Variants in TMEM132D observed in about 807,000 individuals in gnomAD.
TMEM132D encodes transmembrane protein 132D, also known as mature OL transmembrane protein.
In TMEM132D, 21 loss-of-function variants were observed where a neutral mutation model predicts 62.3. The observed-to-expected ratio is 0.34, with a 90% CI of 0.24 to 0.49. TMEM132D has a LOEUF of 0.49. Among genes scored for constraint, TMEM132D ranks in the 20% least tolerant of loss-of-function variants. The pLI, the probability that TMEM132D is intolerant of heterozygous loss-of-function variation, is 0.99. For missense variants in TMEM132D, 1,346 were observed against 1,402.8 expected (o/e 0.96, Z 0.65); for synonymous variants, 621 against 575.6 (o/e 1.08, Z -1.13).
chr12:129,559,772 T>A (rs1159412008), intron 2 of TMEM132D, among the ~76,000 whole-genome samples: 2 of 152,232 alleles, frequency 1.3e-5, no homozygotes, highest in Non-Finnish European at 2.9e-5. Context: ...ATATTAAGCC[T>A]GCCTTAATAT....
At chr12:129,871,929 C>T (rs1874257222) in intron 1 of TMEM132D, among the ~76,000 whole-genome samples, 1 of 152,170 alleles carries the variant, frequency 6.6e-6, no homozygotes, top group Non-Finnish European at 1.5e-5. Flanking sequence ...CCTACAGGAA[C>T]GGAAGAGGAA....
chr12:129,432,967 T>C (rs1473403579), intron 3 of TMEM132D, among the ~76,000 whole-genome samples: 1 of 152,192 alleles, frequency 6.6e-6, no homozygotes, highest in Non-Finnish European at 1.5e-5. Context: ...CCCTGACTTC[T>C]GGCAACATAG....
In TMEM132D at chr12:129,625,220, T is replaced by A. The variant is rs556989607; in HGVS notation, c.968+74590A>T. ...GGTATTGATACTTTTTCATTCATTT[T>A]TAAGAGGTCTCTACATTTTCTCGAT... On this transcript the variant is annotated intron_variant, in intron 2 of 8. Coordinates refer to ENST00000422113, the MANE Select transcript of TMEM132D (RefSeq NM_133448.3). Among the ~76,000 whole-genome samples, 78 of 152,380 alleles carry A rather than the reference T, an allele frequency of 5.1e-4. No homozygotes were observed. The South Asian group carries it at 0.016, about 31-fold the overall frequency.
chr12:129,188,030 G>C (rs1238950192), intron 5 of TMEM132D, among the ~76,000 whole-genome samples: 5 of 152,210 alleles, frequency 3.3e-5, no homozygotes, highest in Non-Finnish European at 5.9e-5. Context: ...GCGGTAGACT[G>C]ACAGCAACAA....
intron 5 of TMEM132D, among the ~76,000 whole-genome samples, chr12:129,177,726 C>T (rs1167543131): frequency 1.3e-5 from 2 of 152,156 alleles, no homozygotes; most frequent in Non-Finnish European, 2.9e-5. Context: ...CCACTGCACT[C>T]CAGCCTGGGC....
At chr12:129,395,134 A>T in intron 3 of TMEM132D, among the ~76,000 whole-genome samples, 1 of 152,214 alleles carries the variant, frequency 6.6e-6, no homozygotes, top group East Asian at 1.9e-4. Flanking sequence ...GACACAAAAG[A>T]GAAATTAATT....
intron 2 of TMEM132D, among the ~76,000 whole-genome samples, chr12:129,652,025 T>C (rs1879941594): frequency 6.6e-6 from 1 of 152,208 alleles, no homozygotes; most frequent in Non-Finnish European, 1.5e-5. Context: ...CCAAATCATT[T>C]ACCTGTGAGA....
At chr12:129,574,556 G>T (rs77221720) in intron 2 of TMEM132D, among the ~76,000 whole-genome samples, 1 of 151,876 alleles carries the variant, frequency 6.6e-6, no homozygotes, top group Non-Finnish European at 1.5e-5. Flanking sequence ...TCACGTTTTC[G>T]TGTTTATTGA....
At chr12:129,746,071 G>A (rs950525895) in intron 1 of TMEM132D, among the ~76,000 whole-genome samples, 9 of 152,144 alleles carry the variant, frequency 5.9e-5, no homozygotes, top group Admixed American at 1.3e-4. Flanking sequence ...CAACATTGAC[G>A]AATGAATGAT....
chr12:129,265,279 G>C (rs2135597481), intron 4 of TMEM132D, among the ~76,000 whole-genome samples: 1 of 152,270 alleles, frequency 6.6e-6, no homozygotes, highest in East Asian at 1.9e-4. Flanking sequence ...CTGAGGGTGG[G>C]AGTAGCCTGA....
intron 2 of TMEM132D, among the ~76,000 whole-genome samples, chr12:129,571,621 G>T (rs758348886): frequency 4.6e-5 from 7 of 151,842 alleles, no homozygotes; most frequent in Non-Finnish European, 7.4e-5. Flanking sequence ...ACCTGAAGAC[G>T]GAGGGAGAGG....
chr12:129,730,760 A>C (rs1307711945), intron 1 of TMEM132D, among the ~76,000 whole-genome samples: 3 of 152,052 alleles, frequency 2.0e-5, no homozygotes, highest in Non-Finnish European at 2.9e-5. Context: ...AGGAACCTGG[A>C]AAGACTAGAC....
Position 129,444,695 on chromosome 12 carries a change from G to A in TMEM132D, c.1115+86364C>T, listed in dbSNP as rs144405483. 8.0e-3 allele frequency among the ~76,000 whole-genome samples: 1,218 copies of A among 152,160 alleles called. 7 individuals are homozygous for A. Among genetic ancestry groups the A allele is most frequent in the Middle Eastern group, 0.031 (9 of 292 alleles). The stretch of plus-strand genomic sequence containing the variant: ...TCTCATGAACAGACACTTTTCCAAA[G>A]AAGACATACATGCAGCCAACATGCA... On this transcript the variant is annotated intron_variant, in intron 3 of 8. Coordinates refer to ENST00000422113, the MANE Select transcript of TMEM132D (RefSeq NM_133448.3).
chr12:129,695,242 A>G (rs1264746012), intron 2 of TMEM132D, among the ~76,000 whole-genome samples: 1 of 152,218 alleles, frequency 6.6e-6, no homozygotes, highest in Admixed American at 6.5e-5. Context: ...CAAGGGGGGC[A>G]GCAGATAAAA....
intron 1 of TMEM132D, among the ~76,000 whole-genome samples, chr12:129,893,228 A>G (rs1221390844): frequency 3.3e-5 from 5 of 152,030 alleles, no homozygotes; most frequent in African/African-American, 7.3e-5. Context: ...CTGTACCTCA[A>G]TTTTTGCCTC....
intron 5 of TMEM132D, among the ~76,000 whole-genome samples, chr12:129,108,533 G>A (rs1022795034): frequency 5.3e-5 from 8 of 152,096 alleles, no homozygotes; most frequent in East Asian, 1.9e-4. Context: ...GAGATGACTC[G>A]GCTCAGGTGA....
chr12:129,763,354 G>A (rs1056298869), intron 1 of TMEM132D, among the ~76,000 whole-genome samples: 7 of 151,882 alleles, frequency 4.6e-5, no homozygotes, highest in Admixed American at 1.3e-4. Flanking sequence ...CTGGGGTTAC[G>A]GGCATGTGCC....
At chr12:129,426,414 T>G (rs1160816674) in intron 3 of TMEM132D, among the ~76,000 whole-genome samples, 1 of 151,954 alleles carries the variant, frequency 6.6e-6, no homozygotes, top group East Asian at 2.0e-4. Flanking sequence ...ATGCCTATTA[T>G]TCTCCTGCAC....
At chr12:129,670,725 C>T (rs913111581) in intron 2 of TMEM132D, among the ~76,000 whole-genome samples, 3 of 152,168 alleles carry the variant, frequency 2.0e-5, no homozygotes, top group Non-Finnish European at 4.4e-5. Flanking sequence ...CTTGATGAAT[C>T]GGCTCTGTCT....
Sources: gnomAD v4.1 joint callset for allele counts (sites outside exome capture counted in the v4.1 genomes callset) on GRCh38, gnomAD v4.1.1 for gene constraint, MANE v1.5 for transcripts, NCBI Gene and HGNC (gene_info 2026-07-23, HGNC 2026-07-21) for gene names.